Variants in CA10 observed in about 807,000 individuals in gnomAD.
The protein encoded by CA10 is carbonic anhydrase 10 (inactive).
Under a neutral mutation model 44.2 loss-of-function variants are expected in CA10, and 14 were observed. The ratio of observed to expected loss-of-function variants is 0.32; its 90% CI spans 0.21 to 0.50. The LOEUF is 0.50. CA10 is among the 20% of genes least tolerant of loss of function. The pLI, the probability that CA10 is intolerant of heterozygous loss-of-function variation, is 0.99. For missense variants in CA10, 350 were observed against 409.7 expected (o/e 0.85, Z 1.26); for synonymous variants, 159 against 141.6 (o/e 1.12, Z -0.87).
intron 1 of CA10, among the ~76,000 whole-genome samples, chr17:52,075,005 C>A (rs1987780888): frequency 6.6e-6 from 1 of 152,164 alleles, no homozygotes; most frequent in Non-Finnish European, 1.5e-5. Flanking sequence ...GAGTTGCTTT[C>A]TCACTACAAT....
At chr17:52,016,962 C>A (rs192155641) in intron 2 of CA10, among the ~76,000 whole-genome samples, 2 of 152,048 alleles carry the variant, frequency 1.3e-5, no homozygotes, top group African/African-American at 2.4e-5. Context: ...TTCTTCCTTG[C>A]TCTCTTGCTC....
intron 2 of CA10, among the ~76,000 whole-genome samples, chr17:52,041,346 G>C (rs145164627): frequency 6.6e-6 from 1 of 152,156 alleles, no homozygotes; most frequent in South Asian, 2.1e-4. Flanking sequence ...GAAACATTGA[G>C]ATTGCTATTA....
rs574562806 is a variant in CA10, at chr17:51,983,091, A to T, written c.137-51959T>A. On this transcript the variant is annotated intron_variant, in intron 2 of 8. Coordinates refer to ENST00000451037, the MANE Select transcript of CA10 (RefSeq NM_020178.5). The stretch of plus-strand genomic sequence containing the variant: ...GTCTGCTTTCAATTTTTTATAGGAA[A>T]TTTTTTTTTATATTTCATTTTAAAC... 5.9e-5 allele frequency among the ~76,000 whole-genome samples: 9 copies of T among 151,288 alleles called. No individual in the cohort carries two copies. The East Asian group carries it at 1.6e-3, about 26-fold the overall frequency.
intron 4 of CA10, among the ~76,000 whole-genome samples, chr17:51,736,022 T>C (rs950616597): frequency 6.6e-6 from 1 of 152,154 alleles, no homozygotes; most frequent in Non-Finnish European, 1.5e-5. Context: ...TATGTATTTG[T>C]GAAAAAGCAT....
intron 3 of CA10, among the ~76,000 whole-genome samples, chr17:51,928,366 A>G (rs372483412): frequency 2.6e-5 from 4 of 152,194 alleles, no homozygotes; most frequent in African/African-American, 7.2e-5. Flanking sequence ...GCATAGGATG[A>G]GAAGGAATAA....
At chr17:51,842,710 C>CT (rs57861014) in intron 3 of CA10, among the ~76,000 whole-genome samples, 13,021 of 147,340 alleles carry the variant, frequency 0.088, 602 homozygotes, top group African/African-American at 0.14. Context: ...CATATTAAAC[C>CT]TTTTTTTTTT....
In CA10 at chr17:52,145,098, G is replaced by A. The variant is rs570808964; in HGVS notation, c.61+12628C>T. Among the ~76,000 whole-genome samples the A allele has an allele frequency of 4.6e-5, 7 of 152,264 alleles. No homozygotes were observed. The South Asian group carries it at 6.2e-4, about 14-fold the overall frequency. ...GACGACCCCTAGACTCTTTCCCAGC[G>A]TTGCACTAGAGGGTGACAAGGTAAT... On this transcript the variant is annotated intron_variant, in intron 1 of 8. Transcript: ENST00000451037.
At chr17:51,828,071 A>G (rs975677757) in intron 3 of CA10, among the ~76,000 whole-genome samples, 1 of 152,114 alleles carries the variant, frequency 6.6e-6, no homozygotes. Context: ...CACTGTTTGG[A>G]CTTAGAGTGA....
intron 2 of CA10, among the ~76,000 whole-genome samples, chr17:51,973,769 T>A (rs1336032769): frequency 2.0e-5 from 3 of 152,288 alleles, no homozygotes; most frequent in East Asian, 3.9e-4. Flanking sequence ...ACAATGCTTT[T>A]TAAAGAAAGA....
intron 1 of CA10, among the ~76,000 whole-genome samples, chr17:52,085,543 C>A (rs1346219662): frequency 1.3e-5 from 2 of 152,204 alleles, no homozygotes; most frequent in Admixed American, 1.3e-4. Flanking sequence ...CGATAATGTG[C>A]AAGTGTTCCA....
chr17:51,850,074 G>A (rs926928039), intron 3 of CA10, among the ~76,000 whole-genome samples: 2 of 152,122 alleles, frequency 1.3e-5, no homozygotes, highest in African/African-American at 2.4e-5. Flanking sequence ...TGCAAATTGG[G>A]GCTGTGTCAT....
At chr17:51,874,959 TC>T (rs1567869254) in intron 3 of CA10, among the ~76,000 whole-genome samples, 4 of 66,560 alleles carry the variant, frequency 6.0e-5, no homozygotes, top group Non-Finnish European at 9.5e-5. Context: ...TGTTTTTTTT[TC>T]TTTTTTTTCT....
At chr17:52,024,046 G>A (rs930054061) in intron 2 of CA10, among the ~76,000 whole-genome samples, 2 of 152,008 alleles carry the variant, frequency 1.3e-5, no homozygotes, top group East Asian at 1.9e-4. Context: ...TTATCTCAGC[G>A]AACATGACTC....
At chr17:52,020,881 C>T (rs1350259092) in intron 2 of CA10, among the ~76,000 whole-genome samples, 3 of 151,872 alleles carry the variant, frequency 2.0e-5, no homozygotes, top group East Asian at 3.9e-4. Flanking sequence ...GTTTAGCTAC[C>T]ATGTATGTGT....
intron 1 of CA10, among the ~76,000 whole-genome samples, chr17:52,121,679 TAC>T (rs10567649): frequency 0.97 from 145,847 of 149,944 alleles, 70,929 homozygotes; most frequent in East Asian, 0.99. Context: ...CACACACAGA[TAC>T]ACACACACAC....
rs561872140 is a variant in CA10, at chr17:52,019,699, T to C, written c.136+52620A>G. ...AAAATCTAGGTCCTACACTAAAAAA[T>C]AGAACATTACCAGCATCCCAGAAGC... On this transcript the variant is annotated intron_variant, in intron 2 of 8. Transcript: ENST00000451037. 4.6e-5 allele frequency among the ~76,000 whole-genome samples: 7 copies of C among 152,138 alleles called. No homozygotes were observed. In the South Asian group the frequency reaches 6.2e-4, roughly 14 times the overall value.
intron 3 of CA10, among the ~76,000 whole-genome samples, chr17:51,886,870 G>A (rs1208814941): frequency 6.6e-6 from 1 of 151,968 alleles, no homozygotes; most frequent in Non-Finnish European, 1.5e-5. Flanking sequence ...CTTGTTCTTG[G>A]GCCTTCAAAC....
chr17:51,646,841 C>T (rs924782966), intron 6 of CA10, among the ~76,000 whole-genome samples: 2 of 152,202 alleles, frequency 1.3e-5, no homozygotes, highest in African/African-American at 4.8e-5. Context: ...ATGAATCGGC[C>T]ATCATTATTC....
At chr17:52,124,747 T>G (rs1487426929) in intron 1 of CA10, among the ~76,000 whole-genome samples, 1 of 152,148 alleles carries the variant, frequency 6.6e-6, no homozygotes, top group Non-Finnish European at 1.5e-5. Context: ...CTCTCCCACC[T>G]TGTTCACCTA....
Sources: gnomAD v4.1 joint callset for allele counts (sites outside exome capture counted in the v4.1 genomes callset) on GRCh38, gnomAD v4.1.1 for gene constraint, MANE v1.5 for transcripts, NCBI Gene and HGNC (gene_info 2026-07-23, HGNC 2026-07-21) for gene names.